The following CROT variants were observed in gnomAD, a reference collection of about 807,000 sequenced individuals.
The protein encoded by CROT is carnitine O-octanoyltransferase.
CROT carries 84 observed loss-of-function variants against 89.2 expected under a neutral mutation model. The observed-to-expected ratio is 0.94, with a 90% CI of 0.79 to 1.13. CROT has a LOEUF of 1.13. Among genes scored for constraint, CROT ranks in the 50% most tolerant of loss-of-function variants. The pLI is 0.00. For synonymous variants in CROT, 212 were observed against 239.5 expected, an observed-to-expected ratio of 0.89 and a Z score of 1.06; for missense variants, 711 against 727.8, an observed-to-expected ratio of 0.98 and a Z score of 0.27.
intron 3 of CROT, among the ~76,000 whole-genome samples, chr7:87,354,651 A>C (rs577818672): frequency 2.7e-4 from 41 of 152,334 alleles, no homozygotes; most frequent in Non-Finnish European, 5.3e-4. Flanking sequence ...AGCTGAAGGA[A>C]AGAATTATCT....
At chr7:87,348,703 T>C (rs1805775323) in intron 2 of CROT, among the ~76,000 whole-genome samples, 2 of 152,182 alleles carry the variant, frequency 1.3e-5, no homozygotes, top group South Asian at 4.1e-4. Flanking sequence ...ATATGTAAAA[T>C]TGCAAAGAAT....
At chr7:87,380,808 A>ATATATT in intron 10 of CROT, among the ~76,000 whole-genome samples, 2 of 152,338 alleles carry the variant, frequency 1.3e-5, no homozygotes, top group Middle Eastern at 3.4e-3. Flanking sequence ...CTTAAATGAA[A>ATATATT]CAATATATTT....
intron 6 of CROT, among the ~76,000 whole-genome samples, chr7:87,366,767 G>A (rs998936321): frequency 2.0e-5 from 3 of 152,052 alleles, no homozygotes; most frequent in African/African-American, 4.8e-5. Context: ...CCTAAACATC[G>A]TTTAAAATTT....
At chr7:87,386,442 T>G (rs1163961215) in intron 13 of CROT, among the ~76,000 whole-genome samples, 1 of 152,202 alleles carries the variant, frequency 6.6e-6, no homozygotes, top group Non-Finnish European at 1.5e-5. Flanking sequence ...TCCAATTTGT[T>G]GGCATATAGT....
chr7:87,393,098 C>T lies in CROT; in HGVS notation c.1718+31C>T, dbSNP rs1428771532. ...GCTTCTCTTTTTTATTCTTTCTGTG[C>T]TATAGAGTAGGAAAGGTATTACTTT... On this transcript the variant is annotated intron_variant, in intron 17 of 17. Transcript: ENST00000331536. 2.5e-6 allele frequency: 4 copies of T among 1,602,556 alleles called. No homozygotes were observed. The African/African-American group carries it at 5.4e-5, about 22-fold the overall frequency.
At chr7:87,396,367 G>A (rs376655381) in intron 17 of CROT, among the ~76,000 whole-genome samples, 10 of 152,164 alleles carry the variant, frequency 6.6e-5, no homozygotes, top group South Asian at 2.1e-4. Flanking sequence ...GCCAAATGAC[G>A]AGGAGGAAGA....
intron 3 of CROT, among the ~76,000 whole-genome samples, chr7:87,356,500 A>G (rs2115818102): frequency 6.6e-6 from 1 of 152,356 alleles, no homozygotes; most frequent in East Asian, 1.9e-4. Flanking sequence ...CTAGTAGACT[A>G]ATAATAACAG....
At chr7:87,368,473 A>C (rs1342985594) in intron 6 of CROT, among the ~76,000 whole-genome samples, 4 of 152,160 alleles carry the variant, frequency 2.6e-5, no homozygotes, top group Non-Finnish European at 1.5e-5. Flanking sequence ...CATGAGGAAC[A>C]AGGAAAACAC....
intron 7 of CROT, among the ~76,000 whole-genome samples, chr7:87,374,943 C>T (rs1326803392): frequency 1.3e-5 from 2 of 151,948 alleles, no homozygotes; most frequent in African/African-American, 4.8e-5. Context: ...TAAATTAAAG[C>T]TCTGTGGATT....
Position 87,398,975 on chromosome 7 carries a change from G to GTACT in CROT, c.*335_*338dup. 3 of 238,964 alleles carry GTACT rather than the reference G, an allele frequency of 1.3e-5. No individual in the cohort carries two copies. In the South Asian group the frequency reaches 1.9e-4, roughly 15 times the overall value. The allele number at this position is 238,964 out of a possible 1,614,324, so 14.8% of individuals were successfully genotyped here. A position where few individuals can be genotyped will look rare whatever the true frequency, so the allele number is the denominator to read the frequency against. ...CTCTAATTTTTAAGTATTTTTGTTG[G>GTACT]TACTTACATGGGTTATAAATCCTCT... On this transcript the variant is annotated 3_prime_UTR_variant, in exon 18 of 18. Transcript: ENST00000331536.
At chr7:87,384,837 T>C (rs1238136018) in intron 13 of CROT, among the ~76,000 whole-genome samples, 1 of 152,240 alleles carries the variant, frequency 6.6e-6, no homozygotes, top group East Asian at 1.9e-4. Context: ...AGTAGTTTTA[T>C]AGTTTCAGGT....
chr7:87,374,892 T>C (rs1009901808), intron 7 of CROT, among the ~76,000 whole-genome samples: 2 of 151,882 alleles, frequency 1.3e-5, no homozygotes, highest in African/African-American at 4.8e-5. Flanking sequence ...TGAAAGCTTT[T>C]AAATTGAAGT....
rs558335456 is a variant in CROT at position 87,399,299 on chromosome 7, G to A, written c.*655G>A. 5 of 152,564 alleles carry A rather than the reference G, an allele frequency of 3.3e-5. No individual in the cohort carries two copies. Among genetic ancestry groups the A allele is most frequent in the African/African-American group, 9.6e-5 (4 of 41,532 alleles). 9.5% of individuals were successfully genotyped at this position (152,564 alleles called of 1,614,324 possible). On this transcript the variant is annotated 3_prime_UTR_variant, in exon 18 of 18. Coordinates refer to ENST00000331536, the MANE Select transcript of CROT (RefSeq NM_021151.4). Reference sequence around the variant, plus strand: ...AGACCAGCCTGGGCAACAGGGTAAGGTCCTGTCTCTACAAGATCAAAAACT... The same window carrying A: ...AGACCAGCCTGGGCAACAGGGTAAGATCCTGTCTCTACAAGATCAAAAACT...
intron 17 of CROT, among the ~76,000 whole-genome samples, chr7:87,396,440 A>G (rs1233931901): frequency 6.6e-6 from 1 of 152,204 alleles, no homozygotes; most frequent in Non-Finnish European, 1.5e-5. Flanking sequence ...TGATTATTCA[A>G]GACTGTTTTT....
chr7:87,391,464 C>T, intron 13 of CROT, 125 bp from the exon 14 acceptor site: 1 of 866,364 alleles, frequency 1.2e-6, no homozygotes, highest in Non-Finnish European at 1.7e-6. Context: ...TGTTGAAAGT[C>T]TCCAACCTAT....
At chr7:87,395,941 T>C (rs544262670) in intron 17 of CROT, among the ~76,000 whole-genome samples, 1 of 152,254 alleles carries the variant, frequency 6.6e-6, no homozygotes, top group East Asian at 1.9e-4. Context: ...TCTGGAAGGA[T>C]TACACCATTG....
chr7:87,347,776 A>C (rs1805735829), intron 2 of CROT, among the ~76,000 whole-genome samples: 1 of 152,158 alleles, frequency 6.6e-6, no homozygotes, highest in Non-Finnish European at 1.5e-5. Context: ...TATGACTTCC[A>C]TAAATGAGGC....
intron 13 of CROT, among the ~76,000 whole-genome samples, chr7:87,388,162 A>T (rs1807239343): frequency 6.6e-6 from 1 of 152,132 alleles, no homozygotes; most frequent in South Asian, 2.1e-4. Context: ...TTCTCTCCAG[A>T]TCTTGACCCT....
At chr7:87,392,454 A>C in intron 14 of CROT, 112 bp from the exon 15 acceptor site, 1 of 781,720 alleles carries the variant, frequency 1.3e-6, no homozygotes, top group Non-Finnish European at 2.2e-6. Flanking sequence ...ATCTTCCTAG[A>C]AATCTTTCCT....
Sources: gnomAD v4.1 joint callset for allele counts (sites outside exome capture counted in the v4.1 genomes callset) on GRCh38, gnomAD v4.1.1 for gene constraint, MANE v1.5 for transcripts, NCBI Gene and HGNC (gene_info 2026-07-23, HGNC 2026-07-21) for gene names.